Variants in CHFR observed in about 807,000 individuals in gnomAD.
CHFR encodes the protein E3 ubiquitin-protein ligase CHFR.
CHFR carries 57 observed loss-of-function variants against 87.6 expected under a neutral mutation model. The observed-to-expected ratio is 0.65, with a 90% confidence interval of 0.53 to 0.81. CHFR has a LOEUF of 0.81. Among genes scored for constraint, CHFR ranks in the 30% least tolerant of loss-of-function variants. The probability of loss-of-function intolerance (pLI) is 0.00; values close to 1 mark genes in which losing one functional copy is unlikely to be tolerated. For synonymous variants in CHFR, 381 were observed against 359.2 expected (o/e 1.06, Z -0.69); for missense variants, 797 against 865.8 (o/e 0.92, Z 1.00).
At chr12:132,850,241 T>C (rs1462979377) in intron 12 of CHFR, among the ~76,000 whole-genome samples, 1 of 151,552 alleles carries the variant, frequency 6.6e-6, no homozygotes, top group East Asian at 1.9e-4. Context: ...TTGTCTGATA[T>C]TCTATACAAT....
chr12:132,867,580 T>C (rs1487328738), intron 6 of CHFR: 1 of 152,226 alleles, frequency 6.6e-6, no homozygotes, highest in East Asian at 1.9e-4. Context: ...CAGAAGGCCC[T>C]GGTGACCTCA....
rs142792187 is a variant in CHFR, at chr12:132,881,596, G to A, written c.134-3942C>T. On this transcript the variant is annotated intron_variant, in intron 2 of 17. Transcript: ENST00000450056. ...AAAATACTGACCACGGGCCGGGCACGGTGGCTCACGCCTGTAATCCCAGCA... is the reference window on the plus strand; with the variant it reads ...AAAATACTGACCACGGGCCGGGCACAGTGGCTCACGCCTGTAATCCCAGCA... Among the ~76,000 whole-genome samples the A allele has an allele frequency of 5.2e-4, 79 of 152,166 alleles. 1 individual carries two copies. In the East Asian group the frequency reaches 0.01, roughly 20 times the overall value.
In CHFR at chr12:132,887,215, CCA is replaced by C; in HGVS notation, c.112_113del (p.Trp38AspfsTer16). 6.7e-7 allele frequency: 1 copy of C among 1,500,028 alleles called. No homozygotes were observed. Among genetic ancestry groups the C allele is most frequent in the South Asian group, 1.2e-5 (1 of 80,906 alleles). The allele number at this position is 1,500,028 out of a possible 1,614,324, so 92.9% of individuals were successfully genotyped here. ...EPHVLLRKREWTIGRRRGCDL... is the reference protein window; with the variant it reads ...EPHVLLRKREXTIGRRRGCDL... ...CCGCACCTCGTCTCCGCCCGATGGT[CCA>C]CTCCCGCTTCCTCAGGAGGACGTGC... On this transcript the variant is annotated frameshift_variant, in exon 2 of 18. Transcript: ENST00000450056. LOFTEE classifies it high-confidence loss of function.
rs1009966820 is a variant in CHFR at position 132,832,946 on chromosome 12, T to G, written c.*8608A>C. 6.6e-6 allele frequency: 1 copy of G among 152,256 alleles called. No homozygotes were observed. Among genetic ancestry groups the G allele is most frequent in the Non-Finnish European group, 1.5e-5 (1 of 68,036 alleles). 9.4% of individuals were successfully genotyped at this position (152,256 alleles called of 1,614,324 possible). On this transcript the variant is annotated 3_prime_UTR_variant, in exon 18 of 18. Coordinates refer to ENST00000450056, the MANE Select transcript of CHFR (RefSeq NM_001161346.2). ...GCCCGACAACCACTCAGTCACCTTC[T>G]GTCTTTATGAATGTGCCTCTTCTGG...
At chr12:132,845,411 T>C (rs959502647) in intron 15 of CHFR, among the ~76,000 whole-genome samples, 5 of 151,868 alleles carry the variant, frequency 3.3e-5, no homozygotes, top group African/African-American at 1.2e-4. Flanking sequence ...GGAGCTGAGA[T>C]TGTGCCATTG....
At chr12:132,860,912 C>T (rs1951196253) in intron 7 of CHFR, among the ~76,000 whole-genome samples, 1 of 152,184 alleles carries the variant, frequency 6.6e-6, no homozygotes, top group Admixed American at 6.6e-5. Flanking sequence ...ACCACCACAC[C>T]CAGCTAATTT....
chr12:132,851,828 A>G, intron 11 of CHFR, 91 bp from the exon 12 acceptor site: 1 of 1,461,834 alleles, frequency 6.8e-7, no homozygotes, highest in Non-Finnish European at 9.2e-7. Context: ...CAGCGAGGAG[A>G]GGTGCACCTG....
intron 2 of CHFR, 72 bp from the exon 3 acceptor site, chr12:132,877,726 C>A: frequency 1.1e-6 from 1 of 889,036 alleles, no homozygotes; most frequent in Non-Finnish European, 1.7e-6. Context: ...CTTTGTTTAC[C>A]AAAGTATGTG....
At chr12:132,873,989 C>T (rs553536043) in intron 3 of CHFR, among the ~76,000 whole-genome samples, 4 of 152,306 alleles carry the variant, frequency 2.6e-5, no homozygotes, top group South Asian at 2.1e-4. Flanking sequence ...CCCCTACACA[C>T]GTGGTTCCTT....
At chr12:132,877,746 C>A in intron 2 of CHFR, 92 bp from the exon 3 acceptor site, 1 of 693,720 alleles carries the variant, frequency 1.4e-6, no homozygotes, top group East Asian at 2.9e-5. Context: ...GGTTCCAACT[C>A]AGGATCCCCA....
intron 3 of CHFR, among the ~76,000 whole-genome samples, chr12:132,875,900 C>T (rs1470475383): frequency 6.6e-6 from 1 of 151,798 alleles, no homozygotes; most frequent in Non-Finnish European, 1.5e-5. Flanking sequence ...GCTGGCCGGG[C>T]GCGATGGCTC....
rs1429903872 is a variant in CHFR, at chr12:132,834,152, CGTG to C, written c.*7399_*7401del. On this transcript the variant is annotated 3_prime_UTR_variant, in exon 18 of 18. Transcript: ENST00000450056. ...GGAGAGGGCAGGTCTGCCGGGCGTA[CGTG>C]GTGGGCCTGGGGTCCCCACTGGAAA... 1 of 152,434 alleles carries C rather than the reference CGTG, an allele frequency of 6.6e-6. No individual in the cohort carries two copies. Among genetic ancestry groups the C allele is most frequent in the African/African-American group, 2.4e-5 (1 of 41,548 alleles). The allele number at this position is 152,434 out of a possible 1,614,324, so 9.4% of individuals were successfully genotyped here.
At chr12:132,873,453 G>T (rs1327375108) in intron 3 of CHFR, among the ~76,000 whole-genome samples, 2 of 152,254 alleles carry the variant, frequency 1.3e-5, no homozygotes, top group Non-Finnish European at 2.9e-5. Flanking sequence ...GAGCTGTGCA[G>T]ATGCACTTAT....
Position 132,872,270 on chromosome 12 carries a change from C to G in CHFR, c.343+15G>C. On this transcript the variant is annotated intron_variant, in intron 4 of 17. Coordinates refer to ENST00000450056, the MANE Select transcript of CHFR (RefSeq NM_001161346.2). ...CCGTGCGGGTCTGACCCCGGCAAGC[C>G]TTCCTCTCTCTTACTGTGTTCCGGT... 1 of 1,573,804 alleles carries G rather than the reference C, an allele frequency of 6.4e-7. No individual in the cohort carries two copies. The highest frequency in any genetic ancestry group is 1.1e-5 in the South Asian group (1 of 90,212).
Position 132,843,001 on chromosome 12 carries a change from C to T in CHFR, c.1916+10G>A. The stretch of plus-strand genomic sequence containing the variant: ...CTGTAGCTGACGCCTGTGCCCCCAG[C>T]TGCACTCACATGGCGTGGTGAGCTT... On this transcript the variant is annotated intron_variant, in intron 17 of 17. Coordinates refer to ENST00000450056, the MANE Select transcript of CHFR (RefSeq NM_001161346.2). 1.2e-6 allele frequency: 2 copies of T among 1,608,324 alleles called. No homozygotes were observed. Among genetic ancestry groups the T allele is most frequent in the Non-Finnish European group, 8.5e-7 (1 of 1,177,264 alleles).
chr12:132,855,450 A>G (rs1465787437), intron 10 of CHFR, among the ~76,000 whole-genome samples: 22 of 151,770 alleles, frequency 1.4e-4, no homozygotes, highest in Non-Finnish European at 1.5e-5. Context: ...GCGGATCACG[A>G]GGTCAGGAGA....
At chr12:132,842,810 G>T (rs1950729871) in intron 17 of CHFR, among the ~76,000 whole-genome samples, 1 of 152,190 alleles carries the variant, frequency 6.6e-6, no homozygotes, top group African/African-American at 2.4e-5. Flanking sequence ...ACTCCAGCCA[G>T]GAAGACACAG....
intron 6 of CHFR, chr12:132,867,770 C>T (rs149454438): frequency 2.3e-4 from 35 of 152,106 alleles, no homozygotes; most frequent in African/African-American, 7.7e-4. Context: ...TGAGCCCAGA[C>T]GACACGAAGA....
At chr12:132,861,337 G>A (rs1267089210) in intron 7 of CHFR, 130 bp downstream of exon 7, 7 of 859,780 alleles carry the variant, frequency 8.1e-6, no homozygotes, top group East Asian at 2.5e-5. Flanking sequence ...GGTGTTACAG[G>A]CATCAACCTG....
Sources: gnomAD v4.1 joint callset for allele counts (sites outside exome capture counted in the v4.1 genomes callset) on GRCh38, gnomAD v4.1.1 for gene constraint, MANE v1.5 for transcripts, NCBI Gene and HGNC (gene_info 2026-07-23, HGNC 2026-07-21) for gene names.